Variants in PHKB observed in about 807,000 individuals in gnomAD.
PHKB encodes phosphorylase b kinase regulatory subunit beta.
In PHKB, 122 loss-of-function variants were observed where a neutral mutation model predicts 152.1. The observed-to-expected ratio is 0.80, with a 90% CI of 0.69 to 0.93. PHKB has a LOEUF of 0.93. Ranked by LOEUF, PHKB falls within the 40% of genes least tolerant of loss-of-function variation. The pLI, the probability that PHKB is intolerant of heterozygous loss-of-function variation, is 0.00. For missense variants in PHKB, 1,304 were observed against 1,328.4 expected (o/e 0.98, Z 0.29); for synonymous variants, 436 against 464.9 (o/e 0.94, Z 0.80).
chr16:47,517,925 A>T (rs1018370249), intron 6 of PHKB, among the ~76,000 whole-genome samples: 2 of 152,220 alleles, frequency 1.3e-5, no homozygotes, highest in African/African-American at 4.8e-5. Context: ...GAGATTCTGT[A>T]TAATGTGTTG....
intron 20 of PHKB, among the ~76,000 whole-genome samples, chr16:47,658,712 G>A (rs1353678320): frequency 2.6e-5 from 4 of 151,944 alleles, no homozygotes; most frequent in Admixed American, 6.6e-5. Context: ...TGCCACCTAC[G>A]TTTGTGTAAG....
chr16:47,628,141 T>A (rs1972744288), intron 14 of PHKB, among the ~76,000 whole-genome samples: 1 of 152,196 alleles, frequency 6.6e-6, no homozygotes, highest in Admixed American at 6.5e-5. Flanking sequence ...GGCTCCTTTT[T>A]CTTTCCTTCT....
intron 2 of PHKB, among the ~76,000 whole-genome samples, chr16:47,498,049 A>C (rs1970262923): frequency 6.6e-6 from 1 of 152,184 alleles, no homozygotes; most frequent in Admixed American, 6.5e-5. Context: ...CAGACCATCT[A>C]TTAGAATGCA....
chr16:47,470,901 C>T (rs565453831), intron 1 of PHKB, among the ~76,000 whole-genome samples: 2 of 152,160 alleles, frequency 1.3e-5, no homozygotes, highest in Non-Finnish European at 2.9e-5. Context: ...GAACTCAAGG[C>T]GACCAGTGCT....
At chr16:47,527,206 C>T (rs114126930) in intron 6 of PHKB, among the ~76,000 whole-genome samples, 271 of 152,234 alleles carry the variant, frequency 1.8e-3, no homozygotes, top group African/African-American at 6.4e-3. Context: ...AACTATATCA[C>T]ATGCAGATAG....
intron 8 of PHKB, among the ~76,000 whole-genome samples, chr16:47,582,117 T>C (rs1287684147): frequency 3.3e-5 from 5 of 152,184 alleles, no homozygotes; most frequent in East Asian, 1.9e-4. Context: ...TTAACAGCAG[T>C]CTGGAAAGGT....
intron 14 of PHKB, among the ~76,000 whole-genome samples, chr16:47,628,583 T>C (rs1972755446): frequency 6.6e-6 from 1 of 152,092 alleles, no homozygotes; most frequent in Admixed American, 6.5e-5. Context: ...CTCAATACAA[T>C]TGCAAAAATT....
intron 14 of PHKB, 85 bp from the exon 15 acceptor site, chr16:47,640,950 G>A (rs1973007861): frequency 7.2e-6 from 9 of 1,252,276 alleles, no homozygotes; most frequent in Non-Finnish European, 9.4e-6. Flanking sequence ...CTTAGAGATG[G>A]TTAATATTGT....
rs1555472064 is a variant in PHKB at position 47,499,792 on chromosome 16, C to T, written c.203C>T (p.Thr68Ile). The change falls in exon 3 of 31, where the codon ACC becomes ATC. Residue 68 changes from threonine to isoleucine, a missense_variant. By Grantham distance (89) the Thr-to-Ile change is moderately conservative. Transcript: ENST00000323584. ...TTGCTGCTGTATCAAAGTCCAACTACCGGTCTCTTTCCCACTAAAACATGC... is the reference window on the plus strand; with the variant it reads ...TTGCTGCTGTATCAAAGTCCAACTATCGGTCTCTTTCCCACTAAAACATGC... ...STLLLYQSPT[T>I]GLFPTKTCGG... The T allele has an allele frequency of 6.2e-7, 1 of 1,614,050 alleles. No individual in the cohort carries two copies. Among genetic ancestry groups the T allele is most frequent in the Admixed American group, 1.7e-5 (1 of 59,998 alleles).
intron 25 of PHKB, among the ~76,000 whole-genome samples, chr16:47,666,766 T>G (rs1344336531): frequency 6.6e-6 from 1 of 152,240 alleles, no homozygotes; most frequent in East Asian, 1.9e-4. Context: ...TGAATGTTGG[T>G]TGAATTGAGC....
At chr16:47,464,194 A>G (rs1969627055) in intron 1 of PHKB, 2 of 584,720 alleles carry the variant, frequency 3.4e-6, no homozygotes, top group Admixed American at 2.8e-5. Flanking sequence ...GGGATGTGAA[A>G]AGAACAGAGA....
At chr16:47,648,402 C>CA (rs1567340749) in intron 16 of PHKB, 131 bp from the exon 17 acceptor site, 1 of 733,634 alleles carries the variant, frequency 1.4e-6, no homozygotes, top group East Asian at 2.6e-5. Context: ...TGTCTTCCTA[C>CA]AAGTTTTTGG....
At chr16:47,538,068 T>A (rs1412297393) in intron 6 of PHKB, among the ~76,000 whole-genome samples, 1 of 151,874 alleles carries the variant, frequency 6.6e-6, no homozygotes, top group East Asian at 1.9e-4. Context: ...AATTTTTTAA[T>A]TTTTTTTGTA....
chr16:47,610,859 C>A lies in PHKB; in HGVS notation c.1397C>A (p.Pro466His). The A allele has an allele frequency of 6.2e-7, 1 of 1,608,728 alleles. No homozygotes were observed. Among genetic ancestry groups the A allele is most frequent in the Non-Finnish European group, 8.5e-7 (1 of 1,175,186 alleles). ...CTTATTAGTCCTAAAGACATTGATC[C>A]TGTCCAGCGCTATGTCCCACTAAAG... ...DELISPKDID[P>H]VQRYVPLKDQ... The change falls in exon 14 of 31, where the codon CCT (proline) becomes CAT (histidine). Residue 466 changes from proline to histidine, a missense_variant. Physicochemically the swap from Pro to His is moderately conservative, Grantham distance 77 (BLOSUM62 -2). Transcript: ENST00000323584.
intron 26 of PHKB, among the ~76,000 whole-genome samples, chr16:47,682,054 G>T (rs1304771460): frequency 1.3e-5 from 2 of 152,158 alleles, no homozygotes; most frequent in African/African-American, 4.8e-5. Flanking sequence ...TAAATTCTGG[G>T]TTGAAAATTC....
At chr16:47,514,609 A>C (rs1970565000) in intron 5 of PHKB, among the ~76,000 whole-genome samples, 3 of 152,188 alleles carry the variant, frequency 2.0e-5, no homozygotes, top group Admixed American at 1.3e-4. Context: ...CAGACAGCCA[A>C]CTCACGTGCC....
intron 6 of PHKB, among the ~76,000 whole-genome samples, chr16:47,516,796 C>T (rs958005514): frequency 1.4e-4 from 22 of 152,076 alleles, no homozygotes; most frequent in Non-Finnish European, 2.6e-4. Context: ...AAATTATGGT[C>T]GTAAGAAATT....
intron 1 of PHKB, among the ~76,000 whole-genome samples, chr16:47,468,752 C>T (rs925922912): frequency 4.6e-5 from 7 of 152,220 alleles, no homozygotes; most frequent in Non-Finnish European, 7.3e-5. Flanking sequence ...CCCCTCTGAC[C>T]TCCTCACAGA....
chr16:47,465,136 T>C (rs1037033247), intron 1 of PHKB, among the ~76,000 whole-genome samples: 1 of 152,248 alleles, frequency 6.6e-6, no homozygotes, highest in African/African-American at 2.4e-5. Flanking sequence ...TTTCTATTTC[T>C]AGGTGTCATC....
Sources: allele counts gnomAD v4.1 joint callset (sites outside exome capture counted in the v4.1 genomes callset), GRCh38; gene constraint gnomAD v4.1.1; transcripts MANE v1.5; gene names NCBI Gene and HGNC (gene_info 2026-07-23, HGNC 2026-07-21).